MAST2: variants seen among roughly 807,000 people sequenced by gnomAD.
MAST2 encodes microtubule associated serine/threonine kinase 2, also known as microtubule-associated serine/threonine-protein kinase 2.
MAST2 carries 70 observed loss-of-function variants against 147.4 expected under a neutral mutation model. The ratio of observed to expected loss-of-function variants is 0.47; its 90% CI spans 0.39 to 0.58. The LOEUF (loss-of-function observed/expected upper bound fraction) is 0.58. Among genes scored for constraint, MAST2 ranks in the 20% least tolerant of loss-of-function variants. The pLI is 0.00. For synonymous variants in MAST2, 869 were observed against 896.8 expected (o/e 0.97, Z 0.55); for missense variants, 2,080 against 2,302.3 (o/e 0.90, Z 1.98).
chr1:45,849,055 A>G (rs1342767557), intron 3 of MAST2, among the ~76,000 whole-genome samples: 1 of 152,240 alleles, frequency 6.6e-6, no homozygotes, highest in East Asian at 1.9e-4. Context: ...AATGAGAATT[A>G]GAAGACACTG....
At chr1:46,011,763 T>C (rs953448769) in intron 10 of MAST2, among the ~76,000 whole-genome samples, 7 of 152,190 alleles carry the variant, frequency 4.6e-5, no homozygotes, top group African/African-American at 1.7e-4. Context: ...GGCCCAGGGC[T>C]AATGATCAAA....
intron 1 of MAST2, among the ~76,000 whole-genome samples, chr1:45,812,552 C>T (rs1277272983): frequency 6.6e-6 from 1 of 151,786 alleles, no homozygotes; most frequent in Non-Finnish European, 1.5e-5. Flanking sequence ...CTCAGCCTCC[C>T]AGTAGCTGGG....
At chr1:45,965,490 G>A (rs536783035) in intron 5 of MAST2, among the ~76,000 whole-genome samples, 46 of 151,992 alleles carry the variant, frequency 3.0e-4, no homozygotes, top group South Asian at 6.2e-4. Flanking sequence ...GGCCTTCTTT[G>A]TCTCTCTTGA....
intron 5 of MAST2, among the ~76,000 whole-genome samples, chr1:45,963,118 T>A (rs1030103939): frequency 6.6e-6 from 1 of 152,218 alleles, no homozygotes; most frequent in Admixed American, 6.5e-5. Context: ...GTTCCATTGG[T>A]CGATATCTCT....
chr1:46,012,365 A>G (rs1645749401), intron 10 of MAST2, among the ~76,000 whole-genome samples: 1 of 152,198 alleles, frequency 6.6e-6, no homozygotes, highest in Non-Finnish European at 1.5e-5. Flanking sequence ...ATACAATAGG[A>G]AGAGCACTGA....
intron 1 of MAST2, among the ~76,000 whole-genome samples, chr1:45,818,512 A>C (rs576405038): frequency 6.6e-6 from 1 of 152,366 alleles, no homozygotes; most frequent in East Asian, 1.9e-4. Context: ...ATTTTCACTC[A>C]GCTCATGAGG....
rs2149222447 is a variant in MAST2 at position 46,008,347 on chromosome 1, T to A, written c.954T>A (p.His318Gln). Residue 318 changes from histidine to glutamine, a missense_variant, in exon 9 of 29, where the codon CAT (histidine) becomes CAA (glutamine). By Grantham distance (24) the His-to-Gln change is conservative. Coordinates refer to ENST00000361297, the MANE Select transcript of MAST2 (RefSeq NM_015112.3). Reference sequence around the variant, plus strand: ...ACAGTGAAATAATAATGATGAATCATGTTTACAAAGAAAGATTCCCAAAGG... The same window carrying A: ...ACAGTGAAATAATAATGATGAATCAAGTTTACAAAGAAAGATTCCCAAAGG... Reference protein sequence around the residue: ...SFDSEIIMMNHVYKERFPKAT... With the variant: ...SFDSEIIMMNQVYKERFPKAT... 1 of 1,612,900 alleles carries A rather than the reference T, an allele frequency of 6.2e-7. No homozygotes were observed. Among genetic ancestry groups the A allele is most frequent in the East Asian group, 2.2e-5 (1 of 44,874 alleles).
intron 3 of MAST2, 135 bp downstream of exon 3, chr1:45,829,716 A>T: frequency 1.1e-6 from 1 of 949,836 alleles, no homozygotes; most frequent in Non-Finnish European, 1.5e-6. Flanking sequence ...AAGAGAATGA[A>T]TTTATTATTA....
intron 1 of MAST2, among the ~76,000 whole-genome samples, chr1:45,820,252 A>G (rs2148682047): frequency 6.6e-6 from 1 of 152,352 alleles, no homozygotes. Flanking sequence ...GAAACTACTA[A>G]AAGAAAACTT....
intron 4 of MAST2, among the ~76,000 whole-genome samples, chr1:45,925,745 T>G (rs1022410866): frequency 2.0e-5 from 3 of 152,230 alleles, no homozygotes; most frequent in African/African-American, 7.2e-5. Context: ...TAGCTTTATC[T>G]TGCTTCCTAC....
intron 4 of MAST2, among the ~76,000 whole-genome samples, chr1:45,951,395 C>G (rs1480522098): frequency 6.6e-6 from 1 of 152,168 alleles, no homozygotes; most frequent in East Asian, 1.9e-4. Flanking sequence ...CCATCCCAGA[C>G]AATATGGTAA....
chr1:45,839,223 G>T (rs1432270623), intron 3 of MAST2, among the ~76,000 whole-genome samples: 1 of 150,190 alleles, frequency 6.7e-6, no homozygotes, highest in African/African-American at 2.5e-5. Flanking sequence ...CCGCCTCCCG[G>T]GTTCAAGTGA....
intron 5 of MAST2, among the ~76,000 whole-genome samples, chr1:45,962,683 A>G (rs931627695): frequency 1.3e-5 from 2 of 152,172 alleles, no homozygotes; most frequent in Non-Finnish European, 2.9e-5. Flanking sequence ...CCTTTGTCAG[A>G]TGAGTAGATT....
At chr1:45,960,278 A>G (rs1025307917) in intron 5 of MAST2, among the ~76,000 whole-genome samples, 2 of 152,052 alleles carry the variant, frequency 1.3e-5, no homozygotes, top group African/African-American at 4.8e-5. Flanking sequence ...GGAAGCTGAG[A>G]TGGGCCAATT....
chr1:45,886,260 A>C (rs1647079579), intron 4 of MAST2, among the ~76,000 whole-genome samples: 1 of 147,758 alleles, frequency 6.8e-6, no homozygotes, highest in Admixed American at 6.8e-5. Context: ...TACTTATATA[A>C]GTATACATAT....
chr1:45,824,438 A>T lies in MAST2; in HGVS notation c.183A>T (p.Val61=). 1 of 1,599,994 alleles carries T rather than the reference A, an allele frequency of 6.3e-7. No individual in the cohort carries two copies. Among genetic ancestry groups the T allele is most frequent in the Non-Finnish European group, 8.5e-7 (1 of 1,171,636 alleles). The change falls in exon 2 of 29, where the codon GTA becomes GTT. Residue 61 remains valine (V), a synonymous_variant. Transcript: ENST00000361297. ...TACTCTTTTTCTCTTTGAAGGATGT[A>T]GTAACTGGAGTTAGTCCCCTGCTCT... ...PAGPEGKEQD[V]VTGVSPLLFR...
chr1:45,943,869 C>T (rs1447055242), intron 4 of MAST2, among the ~76,000 whole-genome samples: 1 of 152,224 alleles, frequency 6.6e-6, no homozygotes, highest in East Asian at 1.9e-4. Flanking sequence ...CCTGTCACAG[C>T]TGATCACAAG....
At chr1:46,009,793 C>G (rs1395390996) in intron 9 of MAST2, among the ~76,000 whole-genome samples, 1 of 152,134 alleles carries the variant, frequency 6.6e-6, no homozygotes, top group African/African-American at 2.4e-5. Flanking sequence ...TTTCATTCTC[C>G]ATGTAGACAC....
At chr1:45,868,284 A>G (rs369996970) in intron 3 of MAST2, among the ~76,000 whole-genome samples, 56 of 152,278 alleles carry the variant, frequency 3.7e-4, no homozygotes, top group Middle Eastern at 3.4e-3. Flanking sequence ...CTGTTTCCCA[A>G]TCAACTTTAT....
Sources: allele counts gnomAD v4.1 joint callset (sites outside exome capture counted in the v4.1 genomes callset), GRCh38; gene constraint gnomAD v4.1.1; transcripts MANE v1.5; gene names NCBI Gene and HGNC (gene_info 2026-07-23, HGNC 2026-07-21).